AGBL4: variants seen among roughly 807,000 people sequenced by gnomAD.
The protein encoded by AGBL4 is AGBL carboxypeptidase 4.
A neutral mutation model predicts 66.4 loss-of-function variants in AGBL4; 58 were observed. The ratio of observed to expected loss-of-function variants is 0.87; its 90% CI spans 0.71 to 1.09. AGBL4 has a LOEUF of 1.09. AGBL4 is among the 50% of genes least tolerant of loss of function. AGBL4 has a pLI of 0.00. For missense variants in AGBL4, 579 were observed against 631.0 expected, an observed-to-expected ratio of 0.92 and a Z score of 0.88; for synonymous variants, 234 against 222.9, an observed-to-expected ratio of 1.05 and a Z score of -0.44.
chr1:49,910,051 C>T (rs542026652), intron 1 of AGBL4, among the ~76,000 whole-genome samples: 2 of 152,112 alleles, frequency 1.3e-5, no homozygotes, highest in African/African-American at 4.8e-5. Context: ...AAGGTGGGAG[C>T]CATCCACATT....
At chr1:49,723,926 G>A (rs1445528383) in intron 2 of AGBL4, among the ~76,000 whole-genome samples, 1 of 152,134 alleles carries the variant, frequency 6.6e-6, no homozygotes, top group Non-Finnish European at 1.5e-5. Context: ...TGAAGAGGAA[G>A]CAGAATAAGC....
intron 6 of AGBL4, among the ~76,000 whole-genome samples, chr1:48,705,346 T>A (rs1368992616): frequency 6.6e-6 from 1 of 152,200 alleles, no homozygotes; most frequent in Non-Finnish European, 1.5e-5. Context: ...ATTATTCTAT[T>A]AGGGGACAAA....
chr1:49,297,519 C>A (rs924197544), intron 3 of AGBL4, among the ~76,000 whole-genome samples: 3 of 152,178 alleles, frequency 2.0e-5, no homozygotes, highest in African/African-American at 7.2e-5. Flanking sequence ...CTGCCACTTA[C>A]TAGCTATGTG....
rs1343572080 is a variant in AGBL4 at position 49,505,208 on chromosome 1, T to C, written c.282+192105A>G. On this transcript the variant is annotated intron_variant, in intron 3 of 13. Transcript: ENST00000371839. ...TATCCCTTAAAAAGTATTGTAGCTA[T>C]TGTTTTTACTAGTTTTGTCTTTTAA... Among the ~76,000 whole-genome samples, 3 of 152,044 alleles carry C rather than the reference T, an allele frequency of 2.0e-5. No homozygotes were observed. The East Asian group carries it at 5.8e-4, about 29-fold the overall frequency.
chr1:49,440,732 C>T (rs927266109), intron 3 of AGBL4, among the ~76,000 whole-genome samples: 1 of 152,118 alleles, frequency 6.6e-6, no homozygotes, highest in East Asian at 1.9e-4. Context: ...GCTCTTATCA[C>T]GTGAGTGGCT....
At chr1:49,438,809 A>T (rs1205181235) in intron 3 of AGBL4, among the ~76,000 whole-genome samples, 2 of 152,190 alleles carry the variant, frequency 1.3e-5, no homozygotes, top group Admixed American at 1.3e-4. Flanking sequence ...ATAACAGAAA[A>T]TCTAAGACTG....
At chr1:49,957,915 G>C (rs1266084624) in intron 1 of AGBL4, among the ~76,000 whole-genome samples, 1 of 151,964 alleles carries the variant, frequency 6.6e-6, no homozygotes, top group Non-Finnish European at 1.5e-5. Flanking sequence ...ATGTTAGCTG[G>C]TTATTTTGCT....
chr1:49,009,021 TA>T (rs1405028012), intron 5 of AGBL4, among the ~76,000 whole-genome samples: 2 of 148,976 alleles, frequency 1.3e-5, no homozygotes, highest in Admixed American at 6.7e-5. Flanking sequence ...AAGAAATAAC[TA>T]AAATCAGAGC....
intron 4 of AGBL4, among the ~76,000 whole-genome samples, chr1:49,154,454 G>C (rs1646393811): frequency 6.6e-6 from 1 of 152,070 alleles, no homozygotes; most frequent in African/African-American, 2.4e-5. Context: ...TATTATAAGT[G>C]ATCAAAACTT....
intron 3 of AGBL4, among the ~76,000 whole-genome samples, chr1:49,390,562 T>C (rs1644823930): frequency 6.6e-6 from 1 of 152,230 alleles, no homozygotes; most frequent in Admixed American, 6.5e-5. Flanking sequence ...AAGCATAAAA[T>C]AGGTATAGCT....
intron 5 of AGBL4, among the ~76,000 whole-genome samples, chr1:48,908,331 G>GA (rs796241291): frequency 1.2e-4 from 18 of 150,822 alleles, no homozygotes; most frequent in Non-Finnish European, 2.5e-4. Flanking sequence ...AAAATTCGGG[G>GA]AAAAAAAAAG....
intron 6 of AGBL4, among the ~76,000 whole-genome samples, chr1:48,669,119 TG>T (rs1227237894): frequency 6.6e-6 from 1 of 152,206 alleles, no homozygotes; most frequent in Non-Finnish European, 1.5e-5. Context: ...GTAGATGGAC[TG>T]GGTCTCATAA....
chr1:48,573,594 G>C lies in AGBL4; in HGVS notation c.1267+13410C>G, dbSNP rs931411768. ...CTGGTAAAATTTCCAAACTATGCAC[G>C]TGAGGACAGAGATTTCTATTGGGGT... On this transcript the variant is annotated intron_variant, in intron 11 of 13. Coordinates refer to ENST00000371839, the MANE Select transcript of AGBL4 (RefSeq NM_032785.4). Among the ~76,000 whole-genome samples the C allele has an allele frequency of 1.3e-5, 2 of 152,074 alleles. 1 individual carries two copies. The highest frequency in any genetic ancestry group is 4.1e-4 in the South Asian group (2 of 4,826).
chr1:48,919,574 G>T (rs1011196739), intron 5 of AGBL4, among the ~76,000 whole-genome samples: 1 of 152,198 alleles, frequency 6.6e-6, no homozygotes. Context: ...AAGAAAGAAA[G>T]TCAGACACCT....
intron 5 of AGBL4, among the ~76,000 whole-genome samples, chr1:49,008,801 C>T (rs1016046293): frequency 1.3e-5 from 2 of 150,748 alleles, no homozygotes; most frequent in East Asian, 2.0e-4. Flanking sequence ...GAAATGAAGG[C>T]AGAAATAAAG....
intron 1 of AGBL4, among the ~76,000 whole-genome samples, chr1:49,895,983 A>C (rs1363937559): frequency 6.6e-6 from 1 of 151,930 alleles, no homozygotes; most frequent in Non-Finnish European, 1.5e-5. Context: ...TGTTGCCTAC[A>C]AGAAACACAC....
chr1:49,008,301 G>A (rs1053057810), intron 5 of AGBL4, among the ~76,000 whole-genome samples: 9 of 151,964 alleles, frequency 5.9e-5, no homozygotes, highest in African/African-American at 2.2e-4. Flanking sequence ...TAATGGTAAA[G>A]GGATCAATTC....
At chr1:48,856,085 G>T (rs1647142648) in intron 6 of AGBL4, among the ~76,000 whole-genome samples, 1 of 152,070 alleles carries the variant, frequency 6.6e-6, no homozygotes. Context: ...AAAAAGCAAA[G>T]AAGTAAATGT....
chr1:48,586,667 T>C (rs1644825194), intron 11 of AGBL4: 3 of 277,122 alleles, frequency 1.1e-5, no homozygotes, highest in Admixed American at 4.7e-5. Flanking sequence ...GGGATGGTCA[T>C]CCAGCCTGTG....
Sources: gnomAD v4.1 joint callset for allele counts (sites outside exome capture counted in the v4.1 genomes callset) on GRCh38, gnomAD v4.1.1 for gene constraint, MANE v1.5 for transcripts, NCBI Gene and HGNC (gene_info 2026-07-23, HGNC 2026-07-21) for gene names.